Variants in PIGU observed in about 807,000 individuals in gnomAD.
PIGU encodes the protein phosphatidylinositol glycan anchor biosynthesis class U.
A neutral mutation model predicts 49.9 loss-of-function variants in PIGU; 24 were observed. The ratio of observed to expected loss-of-function variants is 0.48; its 90% CI spans 0.35 to 0.68. The LOEUF (loss-of-function observed/expected upper bound fraction) is 0.68, where lower values mean the gene tolerates loss of function less well. PIGU is among the 30% of genes least tolerant of loss of function. The pLI is 0.01. For synonymous variants in PIGU, 220 were observed against 205.7 expected, an observed-to-expected ratio of 1.07 and a Z score of -0.59; for missense variants, 490 against 532.6, an observed-to-expected ratio of 0.92 and a Z score of 0.79.
At chr20:34,665,192 ATTTTTTTTTTTTTT>A (rs1171497892) in intron 1 of PIGU, among the ~76,000 whole-genome samples, 2 of 59,612 alleles carry the variant, frequency 3.4e-5, no homozygotes, top group East Asian at 1.1e-3. Flanking sequence ...TGTATGGCCA[ATTTTTTTTTTTTTT>A]TTTTTTTTTT....
At chr20:34,671,675 T>G (rs1326933537) in intron 1 of PIGU, among the ~76,000 whole-genome samples, 1 of 152,068 alleles carries the variant, frequency 6.6e-6, no homozygotes, top group Non-Finnish European at 1.5e-5. Context: ...AATCCACCAC[T>G]TTGGGAGGCC....
intron 1 of PIGU, among the ~76,000 whole-genome samples, chr20:34,658,126 G>A (rs990331507): frequency 2.0e-5 from 3 of 152,216 alleles, no homozygotes; most frequent in Non-Finnish European, 4.4e-5. Context: ...CCCAGTGCCT[G>A]CGATTGCAGG....
chr20:34,631,381 G>A (rs1985701865), intron 6 of PIGU, among the ~76,000 whole-genome samples: 1 of 151,634 alleles, frequency 6.6e-6, no homozygotes, highest in African/African-American at 2.4e-5. Context: ...GAAAACAGAG[G>A]TAGAATTTGG....
chr20:34,583,769 C>T (rs537020876), intron 9 of PIGU, among the ~76,000 whole-genome samples: 1 of 152,150 alleles, frequency 6.6e-6, no homozygotes, highest in Non-Finnish European at 1.5e-5. Flanking sequence ...GCCTGCCAGG[C>T]CATGGAAGGA....
intron 1 of PIGU, among the ~76,000 whole-genome samples, chr20:34,658,006 C>CTCTCCCTCTCTTTCCACGG (rs1986765329): frequency 1.3e-5 from 2 of 152,138 alleles, no homozygotes; most frequent in Non-Finnish European, 2.9e-5. Context: ...CACGGTCTCC[C>CTCTCCCTCTCTTTCCACGG]TCTCCCTCTC....
intron 11 of PIGU, among the ~76,000 whole-genome samples, chr20:34,565,159 G>A (rs1017153088): frequency 6.6e-6 from 1 of 152,174 alleles, no homozygotes; most frequent in African/African-American, 2.4e-5. Context: ...GCGAGTCAGC[G>A]GCTGTGTGAT....
intron 11 of PIGU, among the ~76,000 whole-genome samples, chr20:34,565,749 GCA>G: frequency 7.2e-6 from 1 of 139,360 alleles, no homozygotes; most frequent in African/African-American, 2.7e-5. Context: ...GCACACACAC[GCA>G]CACTCACACT....
chr20:34,676,879 C>G, intron 1 of PIGU, 77 bp downstream of exon 1: 1 of 1,542,524 alleles, frequency 6.5e-7, no homozygotes, highest in Non-Finnish European at 8.8e-7. Context: ...CTGGCGGTCA[C>G]TGCCCCCGCC....
At chr20:34,587,025 G>A (rs569743908) in intron 8 of PIGU, among the ~76,000 whole-genome samples, 1 of 152,306 alleles carries the variant, frequency 6.6e-6, no homozygotes, top group South Asian at 2.1e-4. Context: ...TAGAACACTA[G>A]GCATAAATGG....
chr20:34,659,461 C>T (rs1382252047), intron 1 of PIGU, among the ~76,000 whole-genome samples: 3 of 150,998 alleles, frequency 2.0e-5, no homozygotes, highest in Admixed American at 1.3e-4. Flanking sequence ...CCAGCCGCCC[C>T]GTCCGGGAGG....
intron 7 of PIGU, among the ~76,000 whole-genome samples, chr20:34,613,683 G>A (rs1340765530): frequency 2.0e-5 from 3 of 151,976 alleles, no homozygotes; most frequent in Admixed American, 1.3e-4. Context: ...GCCATAAATA[G>A]GAAATAAAAA....
intron 6 of PIGU, among the ~76,000 whole-genome samples, chr20:34,621,346 C>T (rs1985217719): frequency 6.6e-6 from 1 of 152,018 alleles, no homozygotes; most frequent in Non-Finnish European, 1.5e-5. Flanking sequence ...AGGCAAAGCA[C>T]AAAATAAATC....
intron 1 of PIGU, among the ~76,000 whole-genome samples, chr20:34,664,194 G>A (rs562400614): frequency 2.3e-4 from 35 of 152,040 alleles, no homozygotes; most frequent in African/African-American, 7.7e-4. Flanking sequence ...TCTGTTGCCC[G>A]GGCCGGAGTG....
At chr20:34,625,198 C>T (rs1352587836) in intron 6 of PIGU, among the ~76,000 whole-genome samples, 5 of 151,382 alleles carry the variant, frequency 3.3e-5, no homozygotes, top group Admixed American at 3.3e-4. Flanking sequence ...ATGGAGAAAC[C>T]CCGTCTCTAC....
intron 2 of PIGU, 122 bp downstream of exon 2, chr20:34,657,058 T>C: frequency 1.3e-6 from 1 of 776,200 alleles, no homozygotes; most frequent in South Asian, 1.9e-5. Context: ...AAACGGGCTG[T>C]TTCTAAATAT....
At chr20:34,600,867 T>G (rs547499321) in intron 7 of PIGU, among the ~76,000 whole-genome samples, 15 of 152,166 alleles carry the variant, frequency 9.9e-5, no homozygotes, top group African/African-American at 3.1e-4. Context: ...AAACCCCGTC[T>G]CTACTAAAAA....
chr20:34,640,659 T>C (rs1008213330), intron 4 of PIGU, among the ~76,000 whole-genome samples: 1 of 152,164 alleles, frequency 6.6e-6, no homozygotes, highest in African/African-American at 2.4e-5. Flanking sequence ...CAGGAGAGAT[T>C]AAAAGTGATG....
intron 11 of PIGU, among the ~76,000 whole-genome samples, chr20:34,565,941 T>C (rs910986857): frequency 2.1e-5 from 3 of 145,356 alleles, no homozygotes; most frequent in African/African-American, 5.2e-5. Flanking sequence ...CACGCTCACA[T>C]TGCACTCACA....
intron 11 of PIGU, among the ~76,000 whole-genome samples, chr20:34,565,914 TGCTC>T (rs1365321979): frequency 1.0e-4 from 15 of 148,726 alleles, no homozygotes; most frequent in African/African-American, 2.3e-4. Flanking sequence ...CACACACACA[TGCTC>T]GCACTGCTCA....
Sources: gnomAD v4.1 joint callset for allele counts (sites outside exome capture counted in the v4.1 genomes callset) on GRCh38, gnomAD v4.1.1 for gene constraint, MANE v1.5 for transcripts, NCBI Gene and HGNC (gene_info 2026-07-23, HGNC 2026-07-21) for gene names.